The following NEDD4 variants were observed in gnomAD, a reference collection of about 807,000 sequenced individuals.
The protein encoded by NEDD4 is E3 ubiquitin-protein ligase NEDD4.
Under a neutral mutation model 144.9 loss-of-function variants are expected in NEDD4, and 99 were observed. The ratio of observed to expected loss-of-function variants is 0.68; its 90% confidence interval spans 0.58 to 0.81. The LOEUF is 0.81. Among genes scored for constraint, NEDD4 ranks in the 30% least tolerant of loss-of-function variants. NEDD4 has a pLI of 0.00. For missense variants in NEDD4, 985 were observed against 1,065.9 expected, an observed-to-expected ratio of 0.92 and a Z score of 1.06; for synonymous variants, 318 against 350.6, an observed-to-expected ratio of 0.91 and a Z score of 1.04.
At chr15:55,883,333 G>T (rs1486929900) in intron 5 of NEDD4, among the ~76,000 whole-genome samples, 5 of 152,264 alleles carry the variant, frequency 3.3e-5, no homozygotes, top group African/African-American at 1.2e-4. Context: ...GAAGAACTTT[G>T]TCTTATGGTT....
At chr15:55,935,845 CAAAA>C (rs35215537) in intron 4 of NEDD4, among the ~76,000 whole-genome samples, 1 of 78,254 alleles carries the variant, frequency 1.3e-5, no homozygotes, top group Non-Finnish European at 2.4e-5. Context: ...GACTCTGTTT[CAAAA>C]AAAAAAAAAA....
At chr15:55,891,415 C>T (rs959853833) in intron 5 of NEDD4, among the ~76,000 whole-genome samples, 10 of 152,124 alleles carry the variant, frequency 6.6e-5, no homozygotes, top group African/African-American at 1.9e-4. Flanking sequence ...GAAAAGTAAT[C>T]GTTTTAAATT....
rs1352051585 is a variant in NEDD4 at position 55,852,513 on chromosome 15, C to T, written c.1057G>A (p.Gly353Ser). The change falls in exon 13 of 29, where the codon GGT (glycine) becomes AGT (serine). Residue 353 changes from glycine to serine, a missense_variant. By Grantham distance (56) the Gly-to-Ser change is moderately conservative. Transcript: ENST00000435532. ...CTTTCATCTTGTTTTTCTTCCCAAC[C>T]TGGTGGTAATCCAGATGAAGTAGGC... is the stretch of plus-strand genomic sequence containing the variant. ...LLPTSSGLPP[G>S]WEEKQDERGR... 3 of 1,612,910 alleles carry T rather than the reference C, an allele frequency of 1.9e-6. No individual in the cohort carries two copies. Among genetic ancestry groups the T allele is most frequent in the Non-Finnish European group, 8.5e-7 (1 of 1,179,530 alleles).
At chr15:55,832,424 C>G (rs1214899403) in intron 27 of NEDD4, among the ~76,000 whole-genome samples, 1 of 151,630 alleles carries the variant, frequency 6.6e-6, no homozygotes, top group African/African-American at 2.4e-5. Flanking sequence ...AATGCTTTTT[C>G]TTTTTTTTGA....
At chr15:55,973,868 A>G (rs1449190232) in intron 1 of NEDD4, among the ~76,000 whole-genome samples, 6 of 152,058 alleles carry the variant, frequency 3.9e-5, no homozygotes, top group Admixed American at 6.5e-5. Context: ...TGCATCTTAA[A>G]GAACTAGAAA....
intron 4 of NEDD4, among the ~76,000 whole-genome samples, chr15:55,927,278 C>T (rs1253408382): frequency 7.3e-5 from 11 of 151,582 alleles, no homozygotes; most frequent in Admixed American, 5.3e-4. Context: ...GCAGAATGAG[C>T]GTGCTCTAAG....
At chr15:55,858,868 T>G (rs1191373326) in intron 11 of NEDD4, among the ~76,000 whole-genome samples, 1 of 152,214 alleles carries the variant, frequency 6.6e-6, no homozygotes, top group Admixed American at 6.5e-5. Context: ...CTGTAACTAC[T>G]TTATTCAGAT....
At chr15:55,944,800 G>T (rs2037078752) in intron 4 of NEDD4, among the ~76,000 whole-genome samples, 1 of 152,020 alleles carries the variant, frequency 6.6e-6, no homozygotes, top group Admixed American at 6.6e-5. Flanking sequence ...GGAAGGATGA[G>T]GCAGCAATAT....
At chr15:55,943,729 G>A (rs548648922) in intron 4 of NEDD4, among the ~76,000 whole-genome samples, 1 of 152,346 alleles carries the variant, frequency 6.6e-6, no homozygotes, top group East Asian at 1.9e-4. Flanking sequence ...TGGGACTGGA[G>A]TCCCCACACA....
At chr15:55,851,106 G>T (rs889004317) in intron 13 of NEDD4, among the ~76,000 whole-genome samples, 1 of 152,178 alleles carries the variant, frequency 6.6e-6, no homozygotes, top group African/African-American at 2.4e-5. Flanking sequence ...GGGAGCTCTC[G>T]TGCCTATAGG....
intron 19 of NEDD4, among the ~76,000 whole-genome samples, 200 bp downstream of exon 19, chr15:55,841,734 G>T (rs1279798401): frequency 1.3e-5 from 2 of 152,034 alleles, no homozygotes; most frequent in Non-Finnish European, 2.9e-5. Flanking sequence ...ACCACGCCTG[G>T]GTAAGTTTTT....
chr15:55,949,152 A>G (rs1300054202), intron 4 of NEDD4, among the ~76,000 whole-genome samples: 1 of 152,240 alleles, frequency 6.6e-6, no homozygotes. Flanking sequence ...ATATGAACAG[A>G]CACTTCTCAA....
At chr15:55,845,283 A>G (rs2033693104) in intron 18 of NEDD4, among the ~76,000 whole-genome samples, 1 of 152,270 alleles carries the variant, frequency 6.6e-6, no homozygotes, top group Non-Finnish European at 1.5e-5. Flanking sequence ...CCAATATGAC[A>G]TGTCATGTTG....
In NEDD4 at chr15:55,847,035, CT is replaced by C. The variant is rs1197922777; in HGVS notation, c.1543-2del. On this transcript the variant is annotated splice_acceptor_variant, in intron 17 of 28. Coordinates refer to ENST00000435532, the MANE Select transcript of NEDD4 (RefSeq NM_006154.4). LOFTEE classifies it high-confidence loss of function. ...TGTAATCCCTGGAGTAGGGCACTGC[CT>C]TTAGTTGGAAATTTTGGAAAAATAA... 1.9e-6 allele frequency: 3 copies of C among 1,590,116 alleles called. No individual in the cohort carries two copies. Among genetic ancestry groups the C allele is most frequent in the Non-Finnish European group, 2.6e-6 (3 of 1,168,928 alleles).
intron 14 of NEDD4, among the ~76,000 whole-genome samples, chr15:55,849,575 G>A (rs1415684632): frequency 3.3e-5 from 5 of 151,846 alleles, no homozygotes; most frequent in Non-Finnish European, 7.4e-5. Flanking sequence ...TTCAAGGGTC[G>A]ATTAATATTT....
intron 5 of NEDD4, among the ~76,000 whole-genome samples, chr15:55,913,032 G>C (rs541275034): frequency 7.2e-5 from 11 of 152,178 alleles, no homozygotes; most frequent in Non-Finnish European, 1.3e-4. Context: ...ATTACAGTAA[G>C]CTAGAAACTC....
chr15:55,867,320 C>T (rs1394748450), intron 8 of NEDD4, among the ~76,000 whole-genome samples: 4 of 152,126 alleles, frequency 2.6e-5, no homozygotes, highest in African/African-American at 9.7e-5. Context: ...TAAACTCCTA[C>T]AAGCTTACAT....
At chr15:55,849,694 ATAT>A (rs1374154081) in intron 14 of NEDD4, among the ~76,000 whole-genome samples, 2 of 150,214 alleles carry the variant, frequency 1.3e-5, no homozygotes, top group East Asian at 3.9e-4. Flanking sequence ...TATTATTTTA[ATAT>A]TATTAATTTA....
At chr15:55,884,646 AG>A (rs2035322018) in intron 5 of NEDD4, among the ~76,000 whole-genome samples, 1 of 152,270 alleles carries the variant, frequency 6.6e-6, no homozygotes, top group African/African-American at 2.4e-5. Flanking sequence ...AGCTGAAAAA[AG>A]CAACTGATAT....
Sources: gnomAD v4.1 joint callset for allele counts (sites outside exome capture counted in the v4.1 genomes callset) on GRCh38, gnomAD v4.1.1 for gene constraint, MANE v1.5 for transcripts, NCBI Gene and HGNC (gene_info 2026-07-23, HGNC 2026-07-21) for gene names.